Variants in TMEM242 observed in about 807,000 individuals in gnomAD.
TMEM242 encodes the protein transmembrane protein 242.
A neutral mutation model predicts 18.2 loss-of-function variants in TMEM242; 10 were observed. The ratio of observed to expected loss-of-function variants is 0.55; its 90% CI spans 0.34 to 0.93. The LOEUF (loss-of-function observed/expected upper bound fraction) is 0.93, where lower values mean the gene tolerates loss of function less well. Ranked by LOEUF, TMEM242 falls within the 40% of genes least tolerant of loss-of-function variation. The probability of loss-of-function intolerance (pLI) is 0.02; values close to 1 mark genes in which losing one functional copy is unlikely to be tolerated. For missense variants in TMEM242, 186 were observed against 175.5 expected, an observed-to-expected ratio of 1.06 and a Z score of -0.34; for synonymous variants, 57 against 69.9, an observed-to-expected ratio of 0.81 and a Z score of 0.92.
chr6:157,299,136 C>T, intron 3 of TMEM242: 5 of 139,628 alleles, frequency 3.6e-5, no homozygotes, highest in Non-Finnish European at 4.5e-5. Flanking sequence ...TCCCAGGACA[C>T]AAGGAATATT....
At chr6:157,302,181 A>C (rs1367903701) in intron 3 of TMEM242, among the ~76,000 whole-genome samples, 4 of 152,240 alleles carry the variant, frequency 2.6e-5, no homozygotes, top group Non-Finnish European at 5.9e-5. Context: ...AACATTTGTC[A>C]AATTAAAAAC....
chr6:157,322,395 T>C (rs1778510652), intron 2 of TMEM242, among the ~76,000 whole-genome samples: 1 of 152,192 alleles, frequency 6.6e-6, no homozygotes, highest in Non-Finnish European at 1.5e-5. Context: ...CTTCCCAAAG[T>C]GCTGGGATTA....
chr6:157,321,363 T>C (rs1457026269), intron 2 of TMEM242, among the ~76,000 whole-genome samples: 1 of 152,222 alleles, frequency 6.6e-6, no homozygotes, highest in Admixed American at 6.5e-5. Flanking sequence ...TTGAAGGTCA[T>C]GATTTAATAA....
At position 157,289,714 on chromosome 6, in the gene TMEM242, C is replaced by A. The variant is rs1554246745; in HGVS notation, c.*3187G>T. 8.5e-6 allele frequency: 1 copy of A among 117,942 alleles called. No homozygotes were observed. Among genetic ancestry groups the A allele is most frequent in the Non-Finnish European group, 1.8e-5 (1 of 56,062 alleles). 7.3% of individuals were successfully genotyped at this position (117,942 alleles called of 1,614,324 possible). A position where few individuals can be genotyped will look rare whatever the true frequency, so the allele number is the denominator to read the frequency against. On this transcript the variant is annotated 3_prime_UTR_variant, in exon 4 of 4. Transcript: ENST00000400788. ...CGTCCCCCCACCCCCACCTTAATTT[C>A]TTCTATTTTCCCCTTAGATTGCAAT...
intron 3 of TMEM242, among the ~76,000 whole-genome samples, chr6:157,313,831 A>C (rs868933361): frequency 1.4e-3 from 190 of 139,998 alleles, no homozygotes; most frequent in Middle Eastern, 4.3e-3. Context: ...GTGTGCGCTC[A>C]CCTAGCCTCA....
chr6:157,312,391 A>AACGCAGTAT (rs1778181148), intron 3 of TMEM242, among the ~76,000 whole-genome samples: 16 of 17,464 alleles, frequency 9.2e-4, no homozygotes, highest in Non-Finnish European at 1.3e-3. Context: ...TCATCATAGT[A>AACGCAGTAT]CCGCAGTATC....
At chr6:157,313,071 C>T (rs62425602) in intron 3 of TMEM242, among the ~76,000 whole-genome samples, 4 of 61,926 alleles carry the variant, frequency 6.5e-5, no homozygotes, top group East Asian at 6.1e-4. Context: ...TCATAGGGTC[C>T]CAGTATGCAC....
chr6:157,293,225 C>T (rs915767213), intron 3 of TMEM242, among the ~76,000 whole-genome samples: 1 of 152,102 alleles, frequency 6.6e-6, no homozygotes, highest in Non-Finnish European at 1.5e-5. Context: ...TAACATAAAA[C>T]TTCACTCTTA....
At chr6:157,311,390 A>ATCATAGTGTCCCAGTGTGCACTCAATCGG (rs1778083589) in intron 3 of TMEM242, among the ~76,000 whole-genome samples, 2 of 109,986 alleles carry the variant, frequency 1.8e-5, no homozygotes, top group Admixed American at 9.1e-5. Flanking sequence ...GTGTGCGCTC[A>ATCATAGTGTCCCAGTGTGCACTCAATCGG]CCTAGCCTCA....
chr6:157,289,607 T>G lies in TMEM242; in HGVS notation c.*3294A>C, dbSNP rs1211314841. On this transcript the variant is annotated 3_prime_UTR_variant, in exon 4 of 4. Coordinates refer to ENST00000400788, the MANE Select transcript of TMEM242 (RefSeq NM_018452.6). ...TATAACCTTCCCCATAAACCAAGAT[T>G]TAATCTTGGAGATTAAATGTTGCCC... 6.6e-6 allele frequency: 1 copy of G among 152,192 alleles called. No individual in the cohort carries two copies. Among genetic ancestry groups the G allele is most frequent in the Non-Finnish European group, 1.5e-5 (1 of 68,034 alleles). 9.4% of individuals were successfully genotyped at this position (152,192 alleles called of 1,614,324 possible).
At chr6:157,304,774 G>C (rs1167416929) in intron 3 of TMEM242, among the ~76,000 whole-genome samples, 7 of 152,212 alleles carry the variant, frequency 4.6e-5, no homozygotes, top group African/African-American at 1.4e-4. Context: ...TGGGAATGAA[G>C]ACATCTGGAG....
intron 3 of TMEM242, among the ~76,000 whole-genome samples, chr6:157,317,002 A>G (rs1778403212): frequency 6.6e-6 from 1 of 152,244 alleles, no homozygotes; most frequent in African/African-American, 2.4e-5. Context: ...TAAACTAAAT[A>G]TGAAAAGCTC....
chr6:157,299,647 A>G, intron 3 of TMEM242: 1 of 1,609,990 alleles, frequency 6.2e-7, no homozygotes, highest in Non-Finnish European at 8.5e-7. Context: ...CAATACCGGA[A>G]ATCATTAACT....
At chr6:157,312,717 C>T (rs1554249405) in intron 3 of TMEM242, among the ~76,000 whole-genome samples, 2 of 113,660 alleles carry the variant, frequency 1.8e-5, no homozygotes, top group South Asian at 3.2e-4. Flanking sequence ...CTCACCTGGC[C>T]TCATCTTACT....
At chr6:157,322,884 GT>G in intron 1 of TMEM242, 79 bp from the exon 2 acceptor site, 1 of 1,201,756 alleles carries the variant, frequency 8.3e-7, no homozygotes. Flanking sequence ...ACAAAAGTAA[GT>G]TTAAGATACT....
At chr6:157,309,288 T>C (rs1410540696) in intron 3 of TMEM242, among the ~76,000 whole-genome samples, 2 of 152,256 alleles carry the variant, frequency 1.3e-5, no homozygotes, top group African/African-American at 4.8e-5. Flanking sequence ...CATTGATTTT[T>C]TTTTTAAACG....
intron 3 of TMEM242, among the ~76,000 whole-genome samples, chr6:157,310,534 A>T (rs62424350): frequency 1.0e-4 from 1 of 9,842 alleles, no homozygotes; most frequent in African/African-American, 4.0e-4. Context: ...TCATCATGGT[A>T]TCCCAGTGTG....
chr6:157,307,354 T>C (rs1004203310), intron 3 of TMEM242, among the ~76,000 whole-genome samples: 1 of 152,180 alleles, frequency 6.6e-6, no homozygotes, highest in African/African-American at 2.4e-5. Flanking sequence ...ATGGCAGAGC[T>C]GATTTGTCCC....
chr6:157,312,920 C>T (rs1583570404), intron 3 of TMEM242, among the ~76,000 whole-genome samples: 1 of 149,410 alleles, frequency 6.7e-6, no homozygotes, highest in African/African-American at 2.5e-5. Flanking sequence ...GCTCACCCGG[C>T]ATCATCATAG....
Sources: allele counts gnomAD v4.1 joint callset (sites outside exome capture counted in the v4.1 genomes callset), GRCh38; gene constraint gnomAD v4.1.1; transcripts MANE v1.5; gene names NCBI Gene and HGNC (gene_info 2026-07-23, HGNC 2026-07-21).